The following LGR5 variants were observed in gnomAD, a reference collection of about 807,000 sequenced individuals.
LGR5 encodes the protein leucine rich repeat containing G protein-coupled receptor 5, also known as leucine-rich repeat-containing G protein-coupled receptor 5.
A neutral mutation model predicts 76.7 loss-of-function variants in LGR5; 54 were observed. The ratio of observed to expected loss-of-function variants is 0.70; its 90% confidence interval spans 0.57 to 0.88. LGR5 has a LOEUF of 0.88. Among genes scored for constraint, LGR5 ranks in the 40% least tolerant of loss-of-function variants. The pLI is 0.00. For synonymous variants in LGR5, 406 were observed against 421.9 expected (o/e 0.96, Z 0.46); for missense variants, 1,078 against 1,073.3 (o/e 1.00, Z -0.06).
At chr12:71,444,217 A>G (rs1871888238) in intron 1 of LGR5, among the ~76,000 whole-genome samples, 1 of 152,144 alleles carries the variant, frequency 6.6e-6, no homozygotes. Flanking sequence ...CTCTTATAAC[A>G]GCCTTAACAT....
At chr12:71,531,790 C>T (rs556225356) in intron 3 of LGR5, among the ~76,000 whole-genome samples, 3 of 152,286 alleles carry the variant, frequency 2.0e-5, no homozygotes, top group East Asian at 3.9e-4. Flanking sequence ...ATCGCTTGAA[C>T]CCGGGAGGCG....
At chr12:71,515,345 C>T (rs1443129373) in intron 2 of LGR5, among the ~76,000 whole-genome samples, 1 of 152,126 alleles carries the variant, frequency 6.6e-6, no homozygotes, top group Non-Finnish European at 1.5e-5. Context: ...TTGAGAGTCA[C>T]TAATTATATT....
chr12:71,559,726 G>A, intron 7 of LGR5, 72 bp downstream of exon 7: 2 of 828,224 alleles, frequency 2.4e-6, no homozygotes, highest in South Asian at 1.6e-5. Context: ...ACATGTGATT[G>A]TTTTACATAA....
chr12:71,519,953 C>T (rs1875647654), intron 2 of LGR5, among the ~76,000 whole-genome samples: 1 of 151,854 alleles, frequency 6.6e-6, no homozygotes, highest in Non-Finnish European at 1.5e-5. Flanking sequence ...GGAATTATAA[C>T]CCTGGTGCAT....
Position 71,572,866 on chromosome 12 carries a change from G to A in LGR5, c.1153G>A (p.Glu385Lys), listed in dbSNP as rs1878675845. 1 of 1,613,692 alleles carries A rather than the reference G, an allele frequency of 6.2e-7. No individual in the cohort carries two copies. The highest frequency in any genetic ancestry group is 1.7e-5 in the Admixed American group (1 of 60,006). Residue 385 changes from glutamate (E) to lysine (K), a missense_variant, in exon 13 of 18, where the codon GAA becomes AAA. Physicochemically the swap from Glu to Lys is moderately conservative, Grantham distance 56. Transcript: ENST00000266674. ...TCATTTCAGTGACCTAAGACATAAT[G>A]AAATCTACGAAATTAAAGTTGACAC... ...KLQKIDLRHN[E>K]IYEIKVDTFQ...
chr12:71,531,089 G>A (rs1876285978), intron 3 of LGR5, among the ~76,000 whole-genome samples: 1 of 151,898 alleles, frequency 6.6e-6, no homozygotes, highest in South Asian at 2.1e-4. Context: ...TAAAGCTCCT[G>A]GGGCAAAGAA....
intron 1 of LGR5, among the ~76,000 whole-genome samples, chr12:71,484,638 A>G (rs1592480088): frequency 6.6e-6 from 1 of 150,408 alleles, no homozygotes; most frequent in East Asian, 1.9e-4. Context: ...GTTTGCTGTC[A>G]TTATTGTTTT....
intron 14 of LGR5, 32 bp downstream of exon 14, chr12:71,578,028 C>T: frequency 6.7e-7 from 1 of 1,498,300 alleles, no homozygotes; most frequent in Non-Finnish European, 9.3e-7. Context: ...TATGGTATGT[C>T]TCTTAATAAT....
intron 2 of LGR5, among the ~76,000 whole-genome samples, chr12:71,505,651 T>C (rs1374553792): frequency 6.6e-6 from 1 of 152,202 alleles, no homozygotes; most frequent in Non-Finnish European, 1.5e-5. Context: ...TTACACTACG[T>C]TGACCATTTT....
intron 15 of LGR5, 86 bp from the exon 16 acceptor site, chr12:71,580,192 A>G: frequency 7.9e-7 from 1 of 1,263,182 alleles, no homozygotes; most frequent in Non-Finnish European, 1.1e-6. Context: ...ATCCAAAGGT[A>G]GAATAATTGG....
intron 16 of LGR5, among the ~76,000 whole-genome samples, chr12:71,580,867 C>T (rs1223419241): frequency 6.6e-6 from 1 of 152,128 alleles, no homozygotes; most frequent in African/African-American, 2.4e-5. Flanking sequence ...CCTTGTACCT[C>T]AGCAAATTGT....
Position 71,583,797 on chromosome 12 carries a change from T to C in LGR5, c.1787T>C (p.Ile596Thr), listed in dbSNP as rs375782548. Residue 596 changes from isoleucine (I) to threonine (T), a missense_variant, in exon 18 of 18, where the codon ATT (isoleucine) becomes ACT (threonine). Ile to Thr is a moderately conservative substitution (Grantham distance 89). Transcript: ENST00000266674. ...TACATTTCCCCCATTAAACTGTTAA[T>C]TGGGGTCATCGCAGCAGTGAACATG... Reference protein sequence around the residue: ...PLYISPIKLLIGVIAAVNMLT... With the variant: ...PLYISPIKLLTGVIAAVNMLT... 2.5e-6 allele frequency: 4 copies of C among 1,614,044 alleles called. No individual in the cohort carries two copies. Among genetic ancestry groups the C allele is most frequent in the African/African-American group, 2.7e-5 (2 of 74,918 alleles).
In LGR5 at chr12:71,472,709, T is replaced by C. The variant is rs542007957; in HGVS notation, c.213-31905T>C. Among the ~76,000 whole-genome samples the C allele has an allele frequency of 2.0e-5, 3 of 152,350 alleles. No individual in the cohort carries two copies. The East Asian group carries it at 5.8e-4, about 29-fold the overall frequency. On this transcript the variant is annotated intron_variant, in intron 1 of 17. Transcript: ENST00000266674. ...TAAACAAACATAACCTGAGAAAGGA[T>C]AGGGCTGGGGGATCCATACCACAAG...
chr12:71,449,929 C>T (rs1278238192), intron 1 of LGR5, among the ~76,000 whole-genome samples: 1 of 152,166 alleles, frequency 6.6e-6, no homozygotes, highest in African/African-American at 2.4e-5. Flanking sequence ...TAGAGCATTA[C>T]CCTAATTGCC....
At chr12:71,504,765 A>C in intron 2 of LGR5, 80 bp downstream of exon 2, 1 of 1,179,592 alleles carries the variant, frequency 8.5e-7, no homozygotes, top group Non-Finnish European at 1.3e-6. Context: ...TACTGTGGGA[A>C]CCAGATAAAA....
chr12:71,439,691 A>G, upstream of LGR5: 1 of 202,266 alleles, frequency 4.9e-6, no homozygotes, highest in Non-Finnish European at 9.8e-6. Flanking sequence ...GTGGAGGGAA[A>G]GTGGGGCCGG....
rs1429578139 is a variant in LGR5, at chr12:71,554,385, T to C, written c.644+1097T>C. ...ATCAGAATGCACGGTCTGAAAAATA[T>C]CTTGAACACCAATCTTATGTTTTAC... On this transcript the variant is annotated intron_variant, in intron 5 of 17. Coordinates refer to ENST00000266674, the MANE Select transcript of LGR5 (RefSeq NM_003667.4). 5.9e-5 allele frequency among the ~76,000 whole-genome samples: 9 copies of C among 152,230 alleles called. No homozygotes were observed. The South Asian group carries it at 1.0e-3, about 18-fold the overall frequency.
chr12:71,505,585 T>A (rs1874813056), intron 2 of LGR5, among the ~76,000 whole-genome samples: 1 of 152,212 alleles, frequency 6.6e-6, no homozygotes, highest in African/African-American at 2.4e-5. Context: ...TTTAAATTGT[T>A]AATGCACCAC....
At chr12:71,537,578 A>G (rs374812299) in intron 4 of LGR5, among the ~76,000 whole-genome samples, 1 of 152,226 alleles carries the variant, frequency 6.6e-6, no homozygotes, top group African/African-American at 2.4e-5. Context: ...TGCCCTACCC[A>G]TACATACACA....
Sources: gnomAD v4.1 joint callset for allele counts (sites outside exome capture counted in the v4.1 genomes callset) on GRCh38, gnomAD v4.1.1 for gene constraint, MANE v1.5 for transcripts, NCBI Gene and HGNC (gene_info 2026-07-23, HGNC 2026-07-21) for gene names.